COL27A1: variants seen among roughly 807,000 people sequenced by gnomAD.
COL27A1 encodes collagen type XXVII alpha 1 chain.
A neutral mutation model predicts 251.3 loss-of-function variants in COL27A1; 106 were observed. That is an observed-to-expected ratio of 0.42 (90% CI 0.36 to 0.50). The LOEUF (loss-of-function observed/expected upper bound fraction) is 0.50, where lower values mean the gene tolerates loss of function less well. Among genes scored for constraint, COL27A1 ranks in the 20% least tolerant of loss-of-function variants. COL27A1 has a pLI of 0.00. For missense variants in COL27A1, 2,325 were observed against 2,522.8 expected (o/e 0.92, Z 1.68); for synonymous variants, 1,000 against 986.3 (o/e 1.01, Z -0.26).
At chr9:114,205,266 C>A in intron 8 of COL27A1, 120 bp downstream of exon 8, 1 of 896,998 alleles carries the variant, frequency 1.1e-6, no homozygotes, top group Non-Finnish European at 1.7e-6. Context: ...GCTGTTTTGC[C>A]TCTCACCCTG....
chr9:114,158,512 C>T (rs1271520309), intron 1 of COL27A1, among the ~76,000 whole-genome samples: 3 of 152,196 alleles, frequency 2.0e-5, no homozygotes, highest in Admixed American at 6.5e-5. Flanking sequence ...GCTCCCGTTT[C>T]GGCTGCCTCC....
At chr9:114,207,060 A>C (rs1163435392) in intron 10 of COL27A1, among the ~76,000 whole-genome samples, 1 of 152,114 alleles carries the variant, frequency 6.6e-6, no homozygotes, top group Non-Finnish European at 1.5e-5. Flanking sequence ...CCCAGCTTAC[A>C]CTGCACGCCT....
rs1381808761 is a variant in COL27A1, at chr9:114,240,327, AC to A, written c.2781+56del. 4 of 1,581,720 alleles carry A rather than the reference AC, an allele frequency of 2.5e-6. No homozygotes were observed. The African/African-American group carries it at 5.4e-5, about 21-fold the overall frequency. On this transcript the variant is annotated intron_variant, in intron 20 of 60. Transcript: ENST00000356083. ...TGGAGGAGCAGACAGCTCTGCAGAAACCACAGGGGCTGGCTGCCTGGCTTGG... is the reference window on the plus strand; with the variant it reads ...TGGAGGAGCAGACAGCTCTGCAGAAACACAGGGGCTGGCTGCCTGGCTTGG...
At chr9:114,182,975 C>A in intron 4 of COL27A1, 47 bp from the exon 5 acceptor site, 3 of 1,551,908 alleles carry the variant, frequency 1.9e-6, no homozygotes, top group Non-Finnish European at 2.7e-6. Flanking sequence ...CGAGATGGCC[C>A]CTGTTTTTTG....
In COL27A1 at chr9:114,280,429, C is replaced by CT. The variant is rs571698825; in HGVS notation, c.3718-1847dup. On this transcript the variant is annotated intron_variant, in intron 37 of 60. Transcript: ENST00000356083. ...TGTTGGCCAGGCTGGTCTTGAGCTCCTGGCCTCAAGTGATCCACCCACCTC... is the reference window on the plus strand; with the variant it reads ...TGTTGGCCAGGCTGGTCTTGAGCTCCTTGGCCTCAAGTGATCCACCCACCTC... Among the ~76,000 whole-genome samples, 18 of 152,332 alleles carry CT rather than the reference C, an allele frequency of 1.2e-4. No individual in the cohort carries two copies. In the South Asian group the frequency reaches 3.7e-3, roughly 32 times the overall value.
chr9:114,230,098 G>A (rs966127954), intron 14 of COL27A1, among the ~76,000 whole-genome samples: 2 of 152,198 alleles, frequency 1.3e-5, no homozygotes, highest in African/African-American at 2.4e-5. Flanking sequence ...TGAAGAAACC[G>A]AGGCATGGAG....
At position 114,288,389 on chromosome 9, in the gene COL27A1, C is replaced by T. The variant is rs372635438; in HGVS notation, c.3988-66C>T. On this transcript the variant is annotated intron_variant, in intron 41 of 60. Coordinates refer to ENST00000356083, the MANE Select transcript of COL27A1 (RefSeq NM_032888.4). ...AATTCATCTCTGACGAAGCGCTTTC[C>T]GTCTGGAATTCCCCACATTCCCCAG... 1.2e-4 allele frequency: 187 copies of T among 1,525,714 alleles called. No homozygotes were observed. The African/African-American group carries it at 2.2e-3, about 18-fold the overall frequency. 94.5% of individuals were successfully genotyped at this position (1,525,714 alleles called of 1,614,324 possible).
intron 27 of COL27A1, among the ~76,000 whole-genome samples, chr9:114,254,552 G>A (rs966761396): frequency 6.6e-6 from 1 of 152,130 alleles, no homozygotes; most frequent in Admixed American, 6.5e-5. Flanking sequence ...TGGGGGTAGA[G>A]GGACCAGCCC....
intron 3 of COL27A1, among the ~76,000 whole-genome samples, chr9:114,174,823 C>T (rs1827279089): frequency 6.6e-6 from 1 of 152,186 alleles, no homozygotes; most frequent in Non-Finnish European, 1.5e-5. Context: ...CTAGGGAAGT[C>T]TGGGTGCCCT....
intron 12 of COL27A1, chr9:114,218,160 C>A: frequency 4.5e-6 from 1 of 221,418 alleles, no homozygotes; most frequent in Non-Finnish European, 9.1e-6. Flanking sequence ...GATTCTTGTC[C>A]CAGGAGGTGA....
At chr9:114,283,885 G>A (rs1836089359) in intron 40 of COL27A1, 123 bp downstream of exon 40, 1 of 1,021,972 alleles carries the variant, frequency 9.8e-7, no homozygotes, top group Non-Finnish European at 1.5e-6. Flanking sequence ...TACTGAAGAT[G>A]TGGGGTCTCA....
chr9:114,160,773 C>T (rs1008578110), intron 1 of COL27A1, among the ~76,000 whole-genome samples: 4 of 152,010 alleles, frequency 2.6e-5, no homozygotes, highest in African/African-American at 9.7e-5. Context: ...ACAATGACCA[C>T]ACATGTGAGA....
intron 6 of COL27A1, among the ~76,000 whole-genome samples, chr9:114,195,369 C>G (rs1296618301): frequency 2.9e-5 from 2 of 68,530 alleles, no homozygotes; most frequent in Non-Finnish European, 7.6e-5. Context: ...CACTTGACCC[C>G]CATCATACCC....
intron 14 of COL27A1, among the ~76,000 whole-genome samples, chr9:114,229,722 T>A (rs1445632061): frequency 3.9e-5 from 6 of 152,188 alleles, no homozygotes; most frequent in Non-Finnish European, 7.3e-5. Flanking sequence ...TCCCTTTCTC[T>A]GAGTGCAGAC....
rs536643141 is a variant in COL27A1 at position 114,307,908 on chromosome 9, C to T, written c.5217+130C>T. The T allele has an allele frequency of 2.6e-5, 16 of 615,532 alleles. No individual in the cohort carries two copies. The Admixed American group carries it at 4.7e-4, about 18-fold the overall frequency. The allele number at this position is 615,532 out of a possible 1,614,324, so 38.1% of individuals were successfully genotyped here. The stretch of plus-strand genomic sequence containing the variant: ...CTGCATGCCCTTGGGAAAGTTATCG[C>T]CTCCTTCCGAGACTCAGTTTCCTTA... On this transcript the variant is annotated intron_variant, in intron 59 of 60. Coordinates refer to ENST00000356083, the MANE Select transcript of COL27A1 (RefSeq NM_032888.4).
Position 114,290,276 on chromosome 9 carries a change from A to T in COL27A1, c.4313A>T (p.Glu1438Val). The part of the protein sequence containing the change: ...PRGVVGRQGL[E>V]GIAGPDGLPG... ...GGCGTGGTGGGGAGACAGGGCCTCG[A>T]GGGCATCGCTGGACCAGATGGGCTT... The change falls in exon 47 of 61, where the codon GAG becomes GTG. Residue 1438 changes from glutamate (E) to valine (V), a missense_variant. Physicochemically the swap from Glu to Val is moderately radical, Grantham distance 121 (BLOSUM62 -2). This residue lies in a region of COL27A1 where 153 missense variants were observed against 140.7 expected (regional missense o/e 1.09). Transcript: ENST00000356083. This position sits in a 1 kb window ranked among gnomAD's most constrained non-coding sequence, Gnocchi z 4.6. 4 of 1,581,048 alleles carry T rather than the reference A, an allele frequency of 2.5e-6. No homozygotes were observed. The highest frequency in any genetic ancestry group is 3.4e-6 in the Non-Finnish European group (4 of 1,163,622).
chr9:114,231,619 T>C (rs964729992), intron 15 of COL27A1, among the ~76,000 whole-genome samples: 3 of 152,252 alleles, frequency 2.0e-5, no homozygotes, highest in Non-Finnish European at 4.4e-5. Flanking sequence ...CCTGCAGTGC[T>C]GTGGTGCACT....
rs796215602 is a variant in COL27A1, at chr9:114,206,894, C to T, written c.2268+598C>T. Among the ~76,000 whole-genome samples the T allele has an allele frequency of 1.3e-3, 193 of 152,292 alleles. 3 individuals are homozygous for T. The highest frequency in any genetic ancestry group is 4.4e-3 in the African/African-American group (181 of 41,566). On this transcript the variant is annotated intron_variant, in intron 10 of 60. Transcript: ENST00000356083. ...CTGACTTGACAGCTCAGGAGGGGGC[C>T]ACCAGGTGGGGACTCCCATGTGGGT...
intron 3 of COL27A1, among the ~76,000 whole-genome samples, chr9:114,171,468 T>A (rs1004684421): frequency 7.1e-6 from 1 of 139,936 alleles, no homozygotes; most frequent in Non-Finnish European, 1.6e-5. Context: ...AGAATCTTTT[T>A]CTTTTTTTTT....
Sources: gnomAD v4.1 joint callset for allele counts (sites outside exome capture counted in the v4.1 genomes callset) on GRCh38, gnomAD v4.1.1 for gene constraint, gnomAD v4.1.1 regional missense constraint, Gnocchi (gnomAD v3.1) non-coding constraint, MANE v1.5 for transcripts, NCBI Gene and HGNC (gene_info 2026-07-23, HGNC 2026-07-21) for gene names.